The following UBE2R2 variants were observed in gnomAD, a reference collection of about 807,000 sequenced individuals.
UBE2R2 encodes the protein ubiquitin-conjugating enzyme E2 R2.
Under a neutral mutation model 27.8 loss-of-function variants are expected in UBE2R2, and 1 was observed. That is an observed-to-expected ratio of 0.04 (90% CI 0.01 to 0.17). The LOEUF (loss-of-function observed/expected upper bound fraction) is 0.17. Among genes scored for constraint, UBE2R2 ranks in the 10% least tolerant of loss-of-function variants. The probability of loss-of-function intolerance (pLI) is 1.00; values close to 1 mark genes in which losing one functional copy is unlikely to be tolerated. For missense variants in UBE2R2, 100 were observed against 291.0 expected (o/e 0.34, Z 4.78); for synonymous variants, 106 against 113.3 (o/e 0.94, Z 0.41).
chr9:33,868,555 G>C (rs1253839524), intron 1 of UBE2R2: 1 of 152,128 alleles, frequency 6.6e-6, no homozygotes, highest in Non-Finnish European at 1.5e-5. Context: ...CCTTTTCTTG[G>C]GGTTGCGCTG....
At chr9:33,874,113 A>G (rs1393706045) in intron 1 of UBE2R2, among the ~76,000 whole-genome samples, 1 of 151,604 alleles carries the variant, frequency 6.6e-6, no homozygotes, top group Non-Finnish European at 1.5e-5. Flanking sequence ...ATGCCCGGCT[A>G]ATTTTTGTAT....
intron 1 of UBE2R2, among the ~76,000 whole-genome samples, chr9:33,830,282 C>T (rs982142232): frequency 2.6e-5 from 4 of 151,048 alleles, no homozygotes; most frequent in African/African-American, 7.3e-5. Context: ...CTCAGCCTCC[C>T]GAGTCGCTGG....
At chr9:33,822,367 C>G in intron 1 of UBE2R2, among the ~76,000 whole-genome samples, 1 of 149,260 alleles carries the variant, frequency 6.7e-6, no homozygotes. Context: ...GCTGGGATTA[C>G]AGGCCTGAGC....
chr9:33,875,674 C>T (rs1050057053), intron 1 of UBE2R2, among the ~76,000 whole-genome samples: 1 of 152,092 alleles, frequency 6.6e-6, no homozygotes, highest in African/African-American at 2.4e-5. Flanking sequence ...TGCCATTTTA[C>T]ATAAAAAGGA....
At chr9:33,841,104 A>G (rs1820724424) in intron 1 of UBE2R2, among the ~76,000 whole-genome samples, 1 of 149,120 alleles carries the variant, frequency 6.7e-6, no homozygotes, top group Admixed American at 6.7e-5. Flanking sequence ...TTTTTTTGAG[A>G]CGAAGTCTTG....
At chr9:33,861,462 G>C (rs1821234478) in intron 1 of UBE2R2, among the ~76,000 whole-genome samples, 1 of 152,044 alleles carries the variant, frequency 6.6e-6, no homozygotes, top group African/African-American at 2.4e-5. Context: ...TATAATCCCA[G>C]CTACTTATGA....
chr9:33,842,060 G>C (rs558525604), intron 1 of UBE2R2, among the ~76,000 whole-genome samples: 2 of 152,236 alleles, frequency 1.3e-5, no homozygotes, highest in African/African-American at 4.8e-5. Context: ...TAAAAGGCCA[G>C]GTAGCAGATG....
chr9:33,823,397 A>G (rs1181435829), intron 1 of UBE2R2, among the ~76,000 whole-genome samples: 1 of 151,636 alleles, frequency 6.6e-6, no homozygotes, highest in South Asian at 2.1e-4. Context: ...TTTTTCCTAG[A>G]TGGAGTCTTG....
At chr9:33,903,839 G>A (rs540942869) in intron 3 of UBE2R2, among the ~76,000 whole-genome samples, 5 of 152,240 alleles carry the variant, frequency 3.3e-5, no homozygotes, top group African/African-American at 1.2e-4. Flanking sequence ...ATGCTGCTTT[G>A]TTTAGAAGCT....
chr9:33,883,202 A>G (rs1821770355), intron 1 of UBE2R2, among the ~76,000 whole-genome samples: 1 of 152,134 alleles, frequency 6.6e-6, no homozygotes, highest in Non-Finnish European at 1.5e-5. Flanking sequence ...GAAGATTTAC[A>G]CCTATGTTTT....
chr9:33,918,069 G>A lies in UBE2R2; in HGVS notation c.*832G>A, dbSNP rs1342452694. On this transcript the variant is annotated 3_prime_UTR_variant, in exon 5 of 5. Transcript: ENST00000263228. Reference sequence around the variant, plus strand: ...GTGGGGCAAGCGGGGAAGTTGGGATGAGTGCGTGTGGGAGCAAAGAGTTAA... The same window carrying A: ...GTGGGGCAAGCGGGGAAGTTGGGATAAGTGCGTGTGGGAGCAAAGAGTTAA... 1 of 153,664 alleles carries A rather than the reference G, an allele frequency of 6.5e-6. No individual in the cohort carries two copies. The highest frequency in any genetic ancestry group is 1.5e-5 in the Non-Finnish European group (1 of 68,054). 9.5% of individuals were successfully genotyped at this position (153,664 alleles called of 1,614,324 possible).
At chr9:33,860,822 A>AGCCCG (rs1821213081) in intron 1 of UBE2R2, among the ~76,000 whole-genome samples, 2 of 147,240 alleles carry the variant, frequency 1.4e-5, no homozygotes, top group African/African-American at 5.3e-5. Flanking sequence ...TCTTGAGCCC[A>AGCCCG]GGAGTTTAAG....
In UBE2R2 at chr9:33,916,998, C is replaced by G. The variant is rs1397349865; in HGVS notation, c.498-20C>G. The G allele has an allele frequency of 1.9e-5, 30 of 1,613,510 alleles. No individual in the cohort carries two copies. The highest frequency in any genetic ancestry group is 2.5e-5 in the Non-Finnish European group (29 of 1,179,870). On this transcript the variant is annotated intron_variant, in intron 4 of 4. Coordinates refer to ENST00000263228, the MANE Select transcript of UBE2R2 (RefSeq NM_017811.4). ...AAAAAAGACTTACCGTAAACCATTT[C>G]TGTGTCAACCTCCCTTCAGGAAACA...
intron 1 of UBE2R2, among the ~76,000 whole-genome samples, chr9:33,832,198 C>T (rs1362905717): frequency 6.6e-6 from 1 of 151,454 alleles, no homozygotes; most frequent in African/African-American, 2.4e-5. Context: ...ATCCCAGCTA[C>T]TTCAGAGGCT....
intron 1 of UBE2R2, among the ~76,000 whole-genome samples, chr9:33,883,514 C>T (rs951563874): frequency 1.3e-5 from 2 of 151,262 alleles, no homozygotes; most frequent in Admixed American, 6.6e-5. Flanking sequence ...AAGAGATCAA[C>T]GCCATCCTGG....
chr9:33,856,246 CATT>C (rs1475440393), intron 1 of UBE2R2, among the ~76,000 whole-genome samples: 1 of 152,050 alleles, frequency 6.6e-6, no homozygotes, highest in African/African-American at 2.4e-5. Context: ...CTCAGCAAAG[CATT>C]ATTTTCTGAA....
chr9:33,907,897 C>T (rs567644040), intron 3 of UBE2R2, among the ~76,000 whole-genome samples: 21 of 152,076 alleles, frequency 1.4e-4, no homozygotes, highest in African/African-American at 2.7e-4. Flanking sequence ...GGCACGATCT[C>T]GGCTCATTGC....
At chr9:33,820,426 A>G (rs773575010) in intron 1 of UBE2R2, among the ~76,000 whole-genome samples, 2 of 152,134 alleles carry the variant, frequency 1.3e-5, no homozygotes, top group Non-Finnish European at 2.9e-5. Context: ...GTTCGATTGT[A>G]TTTTCGACTA....
chr9:33,822,097 T>TATATA (rs1187183100), intron 1 of UBE2R2, among the ~76,000 whole-genome samples: 1 of 95,914 alleles, frequency 1.0e-5, no homozygotes, highest in African/African-American at 3.8e-5. Context: ...TATATATATA[T>TATATA]TTTTTTTTTT....
Sources: gnomAD v4.1 joint callset for allele counts (sites outside exome capture counted in the v4.1 genomes callset) on GRCh38, gnomAD v4.1.1 for gene constraint, MANE v1.5 for transcripts, NCBI Gene and HGNC (gene_info 2026-07-23, HGNC 2026-07-21) for gene names.